The following ANKS1B variants were observed in gnomAD, a reference collection of about 807,000 sequenced individuals.
The protein encoded by ANKS1B is ankyrin repeat and sterile alpha motif domain-containing protein 1B.
Under a neutral mutation model 148.3 loss-of-function variants are expected in ANKS1B, and 36 were observed. The observed-to-expected ratio is 0.24, with a 90% CI of 0.19 to 0.32. The LOEUF is 0.32. ANKS1B is among the 10% of genes least tolerant of loss of function. The probability of loss-of-function intolerance (pLI) is 1.00; values close to 1 mark genes in which losing one functional copy is unlikely to be tolerated. For synonymous variants in ANKS1B, 542 were observed against 560.8 expected, an observed-to-expected ratio of 0.97 and a Z score of 0.47; for missense variants, 1,157 against 1,542.6, an observed-to-expected ratio of 0.75 and a Z score of 4.19.
intron 8 of ANKS1B, among the ~76,000 whole-genome samples, chr12:99,685,890 A>G (rs986595651): frequency 2.0e-5 from 3 of 152,168 alleles, no homozygotes; most frequent in African/African-American, 7.2e-5. Flanking sequence ...AATGGAAACC[A>G]AACATTGTAT....
intron 4 of ANKS1B, among the ~76,000 whole-genome samples, chr12:99,796,496 T>C (rs1277343690): frequency 6.6e-6 from 1 of 151,922 alleles, no homozygotes; most frequent in Non-Finnish European, 1.5e-5. Flanking sequence ...AAAAAGCAGA[T>C]GGAGCAAACC....
chr12:99,645,928 G>T (rs2098357800), intron 9 of ANKS1B, among the ~76,000 whole-genome samples: 1 of 150,814 alleles, frequency 6.6e-6, no homozygotes, highest in African/African-American at 2.4e-5. Context: ...AAGTAATGTA[G>T]TTTCTGGCTT....
chr12:99,524,446 C>T (rs2096906625), intron 9 of ANKS1B, among the ~76,000 whole-genome samples: 1 of 152,090 alleles, frequency 6.6e-6, no homozygotes, highest in African/African-American at 2.4e-5. Flanking sequence ...GGAGATCATA[C>T]TGCATTATCC....
At position 98,889,604 on chromosome 12, in the gene ANKS1B, C is replaced by T. The variant is rs138528362; in HGVS notation, c.2779-57468G>A. On this transcript the variant is annotated intron_variant, in intron 17 of 26. Transcript: ENST00000683438. ...TCAAGTGATCCACCTGCCTCAGCAT[C>T]TAAAGTGCTGGGATTATAGGCGTGA... 2.0e-5 allele frequency among the ~76,000 whole-genome samples: 3 copies of T among 152,336 alleles called. No homozygotes were observed. The East Asian group carries it at 5.8e-4, about 29-fold the overall frequency.
At chr12:99,695,747 C>T (rs1297921979) in intron 8 of ANKS1B, among the ~76,000 whole-genome samples, 1 of 152,050 alleles carries the variant, frequency 6.6e-6, no homozygotes, top group African/African-American at 2.4e-5. Context: ...TTGGGGGAGA[C>T]AGAGCATCAT....
At chr12:99,585,337 A>G (rs2153231319) in intron 9 of ANKS1B, among the ~76,000 whole-genome samples, 1 of 152,162 alleles carries the variant, frequency 6.6e-6, no homozygotes, top group East Asian at 1.9e-4. Flanking sequence ...TCCAGGGTAC[A>G]CTGATGTAAG....
At chr12:99,293,547 A>G (rs1056142376) in intron 12 of ANKS1B, among the ~76,000 whole-genome samples, 12 of 152,294 alleles carry the variant, frequency 7.9e-5, no homozygotes, top group African/African-American at 2.9e-4. Flanking sequence ...AAAGACTTAA[A>G]TCTAAGATTT....
At chr12:98,821,853 C>T (rs35538594) in intron 19 of ANKS1B, among the ~76,000 whole-genome samples, 11,848 of 151,516 alleles carry the variant, frequency 0.078, 618 homozygotes, top group Non-Finnish European at 0.11. Flanking sequence ...AGTGATCCAC[C>T]GGCCTCAGCC....
intron 10 of ANKS1B, among the ~76,000 whole-genome samples, chr12:99,462,119 G>T (rs1352841864): frequency 1.3e-5 from 2 of 152,100 alleles, no homozygotes; most frequent in Admixed American, 6.5e-5. Flanking sequence ...ATTCCTATTT[G>T]CAGTTGACAC....
chr12:99,411,086 A>G (rs556571799), intron 11 of ANKS1B, among the ~76,000 whole-genome samples: 1 of 152,312 alleles, frequency 6.6e-6, no homozygotes, highest in Non-Finnish European at 1.5e-5. Flanking sequence ...TTTACTCAGT[A>G]AAGAAAGTAG....
intron 17 of ANKS1B, among the ~76,000 whole-genome samples, chr12:98,869,352 T>A (rs1175456853): frequency 6.6e-6 from 1 of 152,158 alleles, no homozygotes; most frequent in East Asian, 1.9e-4. Flanking sequence ...CTACGAGGAC[T>A]GGGCACGAGT....
At chr12:98,768,888 G>GA (rs199775409) in intron 25 of ANKS1B, among the ~76,000 whole-genome samples, 41 of 151,608 alleles carry the variant, frequency 2.7e-4, no homozygotes, top group South Asian at 1.5e-3. Flanking sequence ...CTGTAGGGGG[G>GA]GCTCCAGGCC....
At chr12:98,743,447 T>C (rs540228184), downstream of ANKS1B, among the ~76,000 whole-genome samples, 21 of 152,248 alleles carry the variant, frequency 1.4e-4, 1 homozygote, top group African/African-American at 5.1e-4. Context: ...TGACCCCCCC[T>C]GCCCATGGTT....
intron 14 of ANKS1B, among the ~76,000 whole-genome samples, chr12:99,225,508 A>G (rs1229087778): frequency 6.6e-6 from 1 of 152,126 alleles, no homozygotes; most frequent in Non-Finnish European, 1.5e-5. Flanking sequence ...TTGCCAAAGG[A>G]GAGTAACATT....
chr12:99,436,826 TC>T (rs1389340431), intron 11 of ANKS1B, among the ~76,000 whole-genome samples: 1 of 152,014 alleles, frequency 6.6e-6, no homozygotes, highest in African/African-American at 2.4e-5. Context: ...TCATCTTTCC[TC>T]CAATCATCTC....
chr12:99,721,379 T>C (rs1256645185), intron 8 of ANKS1B, among the ~76,000 whole-genome samples: 2 of 152,158 alleles, frequency 1.3e-5, no homozygotes, highest in Admixed American at 1.3e-4. Context: ...GACCTGCACA[T>C]ACACATCCAG....
At chr12:99,369,727 CAGAT>C (rs1419532814) in intron 12 of ANKS1B, among the ~76,000 whole-genome samples, 2 of 146,898 alleles carry the variant, frequency 1.4e-5, no homozygotes, top group Non-Finnish European at 3.0e-5. Flanking sequence ...GATAAATAGA[CAGAT>C]AGATAAATGG....
chr12:99,074,700 A>T (rs969011930), intron 16 of ANKS1B, among the ~76,000 whole-genome samples: 1 of 152,336 alleles, frequency 6.6e-6, no homozygotes, highest in East Asian at 1.9e-4. Context: ...CATGAAGGAC[A>T]TGCCTTATCC....
rs1377089579 is a variant in ANKS1B at position 99,458,439 on chromosome 12, T to A, written c.1439-14630A>T. 6.4e-5 allele frequency among the ~76,000 whole-genome samples: 9 copies of A among 140,268 alleles called. No individual in the cohort carries two copies. The South Asian group carries it at 1.6e-3, about 24-fold the overall frequency. 92.0% of individuals were successfully genotyped at this position (140,268 alleles called of 152,430 possible). The stretch of plus-strand genomic sequence containing the variant: ...AGATCGGAGCAGAACTAAATGAAAT[T>A]GAAAAAAAAAAAATACAAAAGATAA... On this transcript the variant is annotated intron_variant, in intron 10 of 26. Transcript: ENST00000683438.
Sources: gnomAD v4.1 joint callset for allele counts (sites outside exome capture counted in the v4.1 genomes callset) on GRCh38, gnomAD v4.1.1 for gene constraint, MANE v1.5 for transcripts, NCBI Gene and HGNC (gene_info 2026-07-23, HGNC 2026-07-21) for gene names.